Variants in ZNF681 observed in about 807,000 individuals in gnomAD.
ZNF681 encodes hypothetical protein FLJ31526.
ZNF681 carries 37 observed loss-of-function variants against 56.0 expected under a neutral mutation model. The observed-to-expected ratio is 0.66, with a 90% CI of 0.51 to 0.87. The LOEUF (loss-of-function observed/expected upper bound fraction) is 0.87, where lower values mean the gene tolerates loss of function less well. Among genes scored for constraint, ZNF681 ranks in the 40% least tolerant of loss-of-function variants. ZNF681 has a pLI of 0.00. For synonymous variants in ZNF681, 225 were observed against 248.6 expected, an observed-to-expected ratio of 0.91 and a Z score of 0.89; for missense variants, 741 against 744.9, an observed-to-expected ratio of 0.99 and a Z score of 0.06.
At chr19:23,755,314 G>T in intron 2 of ZNF681, 111 bp downstream of exon 2, 1 of 1,338,596 alleles carries the variant, frequency 7.5e-7, no homozygotes, top group African/African-American at 1.5e-5. Context: ...TATAAAAACA[G>T]GGATCTGAAA....
chr19:23,750,584 G>A (rs1013918808), intron 3 of ZNF681, among the ~76,000 whole-genome samples: 3 of 152,110 alleles, frequency 2.0e-5, no homozygotes, highest in Admixed American at 6.5e-5. Flanking sequence ...GCTCACACCT[G>A]TAATCCCAGC....
In ZNF681 at chr19:23,755,558, A is replaced by AACAAAC. The variant is rs878900832; in HGVS notation, c.4-8_4-7insGTTTGT. The AACAAAC allele has an allele frequency of 8.6e-7, 1 of 1,167,946 alleles. No homozygotes were observed. Among genetic ancestry groups the AACAAAC allele is most frequent in the East Asian group, 3.6e-5 (1 of 27,484 alleles). 72.3% of individuals were successfully genotyped at this position (1,167,946 alleles called of 1,614,324 possible). On this transcript the variant is annotated splice_polypyrimidine_tract_variant and splice_region_variant and intron_variant, in intron 1 of 3. Coordinates refer to ENST00000402377, the MANE Select transcript of ZNF681 (RefSeq NM_138286.3). Reference sequence around the variant, plus strand: ...CCCTAAATTTCAATGGTTCCTGAAAAACACACACACACACACACACACACA... The same window carrying AACAAAC: ...CCCTAAATTTCAATGGTTCCTGAAAAACAAACACACACACACACACACACACACACA...
Position 23,744,995 on chromosome 19 carries a change from T to G in ZNF681, c.555A>C (p.Leu185=). Residue 185 remains leucine, a synonymous_variant, in exon 4 of 4, where the codon CTA becomes CTC. Transcript: ENST00000402377. The part of the protein sequence containing the change: ...FGKSFCIFSN[L]TQHKIICTRV... ...TAGTACAAATTATTTTATGTTGAGT[T>G]AGGTTTGAAAATATGCAAAATGATT... 1 of 1,600,308 alleles carries G rather than the reference T, an allele frequency of 6.2e-7. No homozygotes were observed. The highest frequency in any genetic ancestry group is 8.5e-7 in the Non-Finnish European group (1 of 1,172,524).
chr19:23,755,340 C>A, intron 2 of ZNF681, 85 bp downstream of exon 2: 1 of 1,490,828 alleles, frequency 6.7e-7, no homozygotes, highest in Non-Finnish European at 9.0e-7. Flanking sequence ...TTATGCAAAG[C>A]ATAAATTACC....
In ZNF681 at chr19:23,740,527, C is replaced by G. The variant is rs962293214; in HGVS notation, c.*3085G>C. On this transcript the variant is annotated 3_prime_UTR_variant, in exon 4 of 4. Coordinates refer to ENST00000402377, the MANE Select transcript of ZNF681 (RefSeq NM_138286.3). ...ATGTTCCATCTCTGTCTTGAAGTTA[C>G]AAACTAACTCCAACAGGAATATTTA... is the stretch of plus-strand genomic sequence containing the variant. 2 of 152,144 alleles carry G rather than the reference C, an allele frequency of 1.3e-5. No homozygotes were observed. Among genetic ancestry groups the G allele is most frequent in the African/African-American group, 2.4e-5 (1 of 41,428 alleles). 9.4% of individuals were successfully genotyped at this position (152,144 alleles called of 1,614,324 possible). A position where few individuals can be genotyped will look rare whatever the true frequency, so the allele number is the denominator to read the frequency against.
chr19:23,751,754 C>T (rs547900752), intron 3 of ZNF681, among the ~76,000 whole-genome samples: 1 of 151,952 alleles, frequency 6.6e-6, no homozygotes, highest in East Asian at 1.9e-4. Flanking sequence ...GGCACAATCT[C>T]GGCTCACTGC....
chr19:23,757,699 C>T (rs1225596173), intron 1 of ZNF681, among the ~76,000 whole-genome samples: 2 of 152,116 alleles, frequency 1.3e-5, no homozygotes, highest in African/African-American at 4.8e-5. Context: ...AAAATCAGTT[C>T]TATGAGGCAA....
At chr19:23,749,650 G>A (rs1281886395) in intron 3 of ZNF681, among the ~76,000 whole-genome samples, 2 of 151,328 alleles carry the variant, frequency 1.3e-5, no homozygotes, top group African/African-American at 4.9e-5. Flanking sequence ...ATCTCCATAT[G>A]TTGCCCAGGC....
chr19:23,758,797 C>T lies in ZNF681; in HGVS notation c.-48G>A. The T allele has an allele frequency of 2.5e-6, 4 of 1,613,918 alleles. No homozygotes were observed. The highest frequency in any genetic ancestry group is 3.4e-6 in the Non-Finnish European group (4 of 1,179,912). ...GCGTCTTAGCTATGGATCGCCAATA[C>T]CTGCAGGTCAGAGGGCCATAGAGGC... On this transcript the variant is annotated 5_prime_UTR_variant, in exon 1 of 4. Coordinates refer to ENST00000402377, the MANE Select transcript of ZNF681 (RefSeq NM_138286.3).
chr19:23,750,283 C>CAAA (rs74175768), intron 3 of ZNF681, among the ~76,000 whole-genome samples: 30 of 31,540 alleles, frequency 9.5e-4, no homozygotes, highest in Non-Finnish European at 1.4e-3. Context: ...GACTCCAACT[C>CAAA]AAAAAAAAAA....
chr19:23,745,467 TCCTGAGACGGAG>T, intron 3 of ZNF681, 144 bp from the exon 4 acceptor site: 2 of 567,640 alleles, frequency 3.5e-6, no homozygotes, highest in Non-Finnish European at 5.4e-6. Context: ...TTTTTTTTTT[TCCTGAGACGGAG>T]TTTCAATCTG....
intron 3 of ZNF681, among the ~76,000 whole-genome samples, chr19:23,748,712 T>C (rs7250782): frequency 6.6e-4 from 101 of 152,262 alleles, no homozygotes; most frequent in African/African-American, 2.1e-3. Context: ...TTAAATGGAC[T>C]AATAATTGAA....
At chr19:23,749,963 TAAAAC>T (rs1019893548) in intron 3 of ZNF681, among the ~76,000 whole-genome samples, 3 of 145,860 alleles carry the variant, frequency 2.1e-5, no homozygotes, top group Admixed American at 6.9e-5. Flanking sequence ...TTAGACAAGA[TAAAAC>T]AATCACTGAA....
chr19:23,744,933 G>C lies in ZNF681; in HGVS notation c.617C>G (p.Ala206Gly). The C allele has an allele frequency of 6.2e-7, 1 of 1,600,320 alleles. No homozygotes were observed. The highest frequency in any genetic ancestry group is 8.5e-7 in the Non-Finnish European group (1 of 1,173,802). The change falls in exon 4 of 4, where the codon GCC (alanine) becomes GGC (glycine). Residue 206 changes from alanine to glycine, a missense_variant. By Grantham distance (60) the Ala-to-Gly change is moderately conservative (BLOSUM62 0). Transcript: ENST00000402377. ...AGTAAAGATTGAGGATCCATTAAAG[G>C]CTTTTCCACAGTCTTCACATTTGTA... ...NFYKCEDCGKAFNGSSIFTKH... is the reference protein window; with the variant it reads ...NFYKCEDCGKGFNGSSIFTKH...
rs1022302819 is a variant in ZNF681, at chr19:23,742,618, C to A, written c.*994G>T. ...AATATTATAAATTAACCAGAAAGAGCCTCTCCACTTACATTTTCATCTTGC... is the reference window on the plus strand; with the variant it reads ...AATATTATAAATTAACCAGAAAGAGACTCTCCACTTACATTTTCATCTTGC... On this transcript the variant is annotated 3_prime_UTR_variant, in exon 4 of 4. Transcript: ENST00000402377. The A allele has an allele frequency of 3.3e-5, 5 of 152,070 alleles. No individual in the cohort carries two copies. The highest frequency in any genetic ancestry group is 7.3e-5 in the Non-Finnish European group (5 of 68,030). The allele number at this position is 152,070 out of a possible 1,614,324, so 9.4% of individuals were successfully genotyped here.
Position 23,743,408 on chromosome 19 carries a change from G to A in ZNF681, c.*204C>T. ...TGAAATCTCTGATGTTGAGTAAGAT[G>A]TGAACAGATATTAATGGCTTTTTCA... is the stretch of plus-strand genomic sequence containing the variant. On this transcript the variant is annotated 3_prime_UTR_variant, in exon 4 of 4. Coordinates refer to ENST00000402377, the MANE Select transcript of ZNF681 (RefSeq NM_138286.3). The A allele has an allele frequency of 2.3e-6, 1 of 429,184 alleles. No individual in the cohort carries two copies. Among genetic ancestry groups the A allele is most frequent in the Non-Finnish European group, 4.0e-6 (1 of 247,038 alleles). 26.6% of individuals were successfully genotyped at this position (429,184 alleles called of 1,614,324 possible).
At chr19:23,755,590 CACACACACAT>C (rs747429073) in intron 1 of ZNF681, 39 bp from the exon 2 acceptor site, 101,460 of 1,220,100 alleles carry the variant, frequency 0.083, 143 homozygotes, top group Non-Finnish European at 0.096. Flanking sequence ...CACACACACA[CACACACACAT>C]ACACATTTAG....
Position 23,754,929 on chromosome 19 carries a change from GA to G in ZNF681, c.131-12del, listed in dbSNP as rs1166450208. ...TAGAGACAACAATACCTGTTTTATT[GA>G]AAGTAAATAACATAAATCTTGCTTA... On this transcript the variant is annotated splice_polypyrimidine_tract_variant and intron_variant, in intron 2 of 3. Coordinates refer to ENST00000402377, the MANE Select transcript of ZNF681 (RefSeq NM_138286.3). The G allele has an allele frequency of 6.2e-7, 1 of 1,605,564 alleles. No homozygotes were observed. Among genetic ancestry groups the G allele is most frequent in the South Asian group, 1.1e-5 (1 of 90,210 alleles).
intron 3 of ZNF681, among the ~76,000 whole-genome samples, chr19:23,751,462 G>A (rs1257564118): frequency 4.1e-5 from 5 of 121,132 alleles, no homozygotes; most frequent in African/African-American, 1.6e-4. Flanking sequence ...GCGACAGAGT[G>A]AGACTCCGTC....
Sources: gnomAD v4.1 joint callset for allele counts (sites outside exome capture counted in the v4.1 genomes callset) on GRCh38, gnomAD v4.1.1 for gene constraint, MANE v1.5 for transcripts, NCBI Gene and HGNC (gene_info 2026-07-23, HGNC 2026-07-21) for gene names.